The following MAPK14 variants were observed in gnomAD, a reference collection of about 807,000 sequenced individuals.
The protein encoded by MAPK14 is CSAID-binding protein.
MAPK14 carries 16 observed loss-of-function variants against 49.6 expected under a neutral mutation model. The observed-to-expected ratio is 0.32, with a 90% CI of 0.22 to 0.49. The LOEUF is 0.49. Among genes scored for constraint, MAPK14 ranks in the 20% least tolerant of loss-of-function variants. The pLI is 0.99. For synonymous variants in MAPK14, 142 were observed against 158.0 expected, an observed-to-expected ratio of 0.90 and a Z score of 0.76; for missense variants, 200 against 441.2, an observed-to-expected ratio of 0.45 and a Z score of 4.90.
intron 8 of MAPK14, chr6:36,092,480 C>T: frequency 3.3e-6 from 2 of 602,238 alleles, no homozygotes; most frequent in South Asian, 3.0e-5. Context: ...CATCACCAGT[C>T]TGTTCTTTCC....
At chr6:36,070,414 G>A (rs902879549) in intron 3 of MAPK14, among the ~76,000 whole-genome samples, 1 of 152,130 alleles carries the variant, frequency 6.6e-6, no homozygotes, top group Non-Finnish European at 1.5e-5. Flanking sequence ...AAATGGGAAC[G>A]CTAATGGACA....
chr6:36,076,499 A>G (rs546248556), intron 7 of MAPK14, 38 bp from the exon 8 acceptor site: 2 of 1,419,306 alleles, frequency 1.4e-6, no homozygotes, highest in South Asian at 2.3e-5. Context: ...TGTAACAGTG[A>G]CATTGCATAT....
At chr6:36,116,652 G>A in the MAPK14 span, among the ~76,000 whole-genome samples, 2 of 152,064 alleles carry the variant, frequency 1.3e-5, no homozygotes, top group African/African-American at 2.4e-5. Flanking sequence ...AGAGATTTCA[G>A]TGCACCCGCT....
chr6:36,103,165 C>T (rs1235763647), intron 10 of MAPK14, among the ~76,000 whole-genome samples: 1 of 152,092 alleles, frequency 6.6e-6, no homozygotes, highest in Non-Finnish European at 1.5e-5. Context: ...TCTCTGCCCT[C>T]AGAGGCATAA....
At chr6:36,104,969 G>C (rs1022032780) in intron 10 of MAPK14, among the ~76,000 whole-genome samples, 2 of 152,128 alleles carry the variant, frequency 1.3e-5, no homozygotes, top group African/African-American at 2.4e-5. Context: ...GGTCCATCTG[G>C]TGCTCAGCAC....
At chr6:36,091,602 G>A (rs1765232192) in intron 8 of MAPK14, among the ~76,000 whole-genome samples, 1 of 152,194 alleles carries the variant, frequency 6.6e-6, no homozygotes, top group African/African-American at 2.4e-5. Flanking sequence ...TGGCCTTATA[G>A]TAGCTGGTAC....
intron 2 of MAPK14, among the ~76,000 whole-genome samples, chr6:36,054,820 T>G (rs1014346708): frequency 6.6e-6 from 1 of 152,204 alleles, no homozygotes; most frequent in African/African-American, 2.4e-5. Flanking sequence ...AATTACTGTT[T>G]TGGGTCACCA....
chr6:36,096,246 C>T, intron 9 of MAPK14, 180 bp downstream of exon 9: 1 of 533,664 alleles, frequency 1.9e-6, no homozygotes, highest in Non-Finnish European at 3.3e-6. Flanking sequence ...TGTGTGCCTG[C>T]TTGCATGCAC....
chr6:36,100,395 C>A, intron 9 of MAPK14: 2 of 707,294 alleles, frequency 2.8e-6, no homozygotes, highest in Non-Finnish European at 2.6e-6. Context: ...TGCCTATGTG[C>A]TATTGCAAGA....
intron 1 of MAPK14, among the ~76,000 whole-genome samples, chr6:36,030,296 T>C (rs1242473030): frequency 6.6e-6 from 1 of 152,218 alleles, no homozygotes; most frequent in Non-Finnish European, 1.5e-5. Context: ...TTCTGTGGTA[T>C]AGAAGCCAGC....
intron 2 of MAPK14, among the ~76,000 whole-genome samples, chr6:36,055,344 G>T (rs1170402418): frequency 6.6e-6 from 1 of 152,182 alleles, no homozygotes; most frequent in Admixed American, 6.5e-5. Flanking sequence ...TAGACCAAGA[G>T]ATTGTTTTGG....
chr6:36,039,353 C>T (rs1762869513), intron 1 of MAPK14, among the ~76,000 whole-genome samples: 1 of 152,104 alleles, frequency 6.6e-6, no homozygotes, highest in Non-Finnish European at 1.5e-5. Context: ...TACCATTAGA[C>T]CCTGAACATG....
In MAPK14 at chr6:36,108,573, C is replaced by T. The variant is rs183650185; in HGVS notation, c.*126C>T. 3.2e-4 allele frequency: 162 copies of T among 513,036 alleles called. No homozygotes were observed. Among genetic ancestry groups the T allele is most frequent in the African/African-American group, 2.5e-3 (132 of 53,318 alleles). 31.8% of individuals were successfully genotyped at this position (513,036 alleles called of 1,614,324 possible). A position where few individuals can be genotyped will look rare whatever the true frequency, so the allele number is the denominator to read the frequency against. On this transcript the variant is annotated 3_prime_UTR_variant, in exon 12 of 12. Transcript: ENST00000229794. ...TTCCTCCATGGTGGAAGGGGGTGTG[C>T]GTGCGTGTGCGTGCGTGTTAGTGTG...
At chr6:36,096,168 C>T (rs1765437854) in intron 9 of MAPK14, 102 bp downstream of exon 9, 1 of 774,280 alleles carries the variant, frequency 1.3e-6, no homozygotes, top group Admixed American at 2.2e-5. Context: ...GCACACATGC[C>T]CTTTGTGTGC....
At position 36,028,406 on chromosome 6, in the gene MAPK14, G is replaced by A. The variant is rs1762394681; in HGVS notation, c.116+133G>A. The A allele has an allele frequency of 4.7e-6, 3 of 643,768 alleles. No individual in the cohort carries two copies. The highest frequency in any genetic ancestry group is 2.8e-6 in the Non-Finnish European group (1 of 362,082). 39.9% of individuals were successfully genotyped at this position (643,768 alleles called of 1,614,324 possible). A position where few individuals can be genotyped will look rare whatever the true frequency, so the allele number is the denominator to read the frequency against. ...CGGGGGAGGGCATTGCTGCCCCTTC[G>A]AGCTCTGCCCGTTCTGCACCTCCAG... On this transcript the variant is annotated intron_variant, in intron 1 of 11. Transcript: ENST00000229794. The surrounding 1 kb of genome is among the most constrained non-coding windows in gnomAD (Gnocchi z 5.1).
intron 3 of MAPK14, among the ~76,000 whole-genome samples, chr6:36,069,905 TTA>T (rs1196655470): frequency 2.0e-5 from 3 of 152,202 alleles, no homozygotes; most frequent in African/African-American, 7.2e-5. Context: ...TAAAAATAAG[TTA>T]TGTTTGTCTC....
intron 9 of MAPK14, among the ~76,000 whole-genome samples, chr6:36,101,054 G>A (rs1036894812): frequency 1.3e-5 from 2 of 152,156 alleles, no homozygotes; most frequent in African/African-American, 4.8e-5. Context: ...AGCCATTTAT[G>A]TATTCAATTC....
intron 10 of MAPK14, among the ~76,000 whole-genome samples, chr6:36,104,457 G>A (rs987744543): frequency 2.0e-5 from 3 of 151,772 alleles, no homozygotes; most frequent in Non-Finnish European, 2.9e-5. Flanking sequence ...GTGCGATCTC[G>A]GCTCATTGCA....
At chr6:36,060,986 A>G (rs1763799197) in intron 3 of MAPK14, among the ~76,000 whole-genome samples, 1 of 152,234 alleles carries the variant, frequency 6.6e-6, no homozygotes, top group Non-Finnish European at 1.5e-5. Context: ...TGATACAACA[A>G]TATGGAGGCT....
Sources: allele counts gnomAD v4.1 joint callset (sites outside exome capture counted in the v4.1 genomes callset), GRCh38; gene constraint gnomAD v4.1.1; non-coding constraint Gnocchi (gnomAD v3.1); transcripts MANE v1.5; gene names NCBI Gene and HGNC (gene_info 2026-07-23, HGNC 2026-07-21).